CD99L2: variants seen among roughly 807,000 people sequenced by gnomAD.
CD99L2 encodes the protein CD99 molecule like 2, also known as CD99 antigen-like protein 2.
Under a neutral mutation model 27.3 loss-of-function variants are expected in CD99L2, and 24 were observed. That is an observed-to-expected ratio of 0.88 (90% CI 0.64 to 1.24). CD99L2 has a LOEUF of 1.24. CD99L2 is among the 50% of genes most tolerant of loss of function. The pLI is 0.00. For missense variants in CD99L2, 255 were observed against 221.6 expected (o/e 1.15, Z -0.96); for synonymous variants, 97 against 87.9 (o/e 1.10, Z -0.58).
At chrX:150,869,967 A>AT (rs2047130683) in intron 1 of CD99L2, among the ~76,000 whole-genome samples, 1 of 111,395 alleles carries the variant, frequency 9.0e-6, no homozygotes, top group South Asian at 3.8e-4. Context: ...ATTTGATTTC[A>AT]TAAGTATTAA....
chrX:150,857,638 C>T (rs2046913367), intron 1 of CD99L2, among the ~76,000 whole-genome samples: 1 of 111,587 alleles, frequency 9.0e-6, no homozygotes, highest in Non-Finnish European at 1.9e-5. Context: ...GAAAGGACAA[C>T]ATTTACAATC....
chrX:150,795,768 C>T (rs782177818), intron 4 of CD99L2, among the ~76,000 whole-genome samples: 2 of 111,641 alleles, frequency 1.8e-5, no homozygotes, highest in East Asian at 2.8e-4. Context: ...CCCAGATCTG[C>T]GGGAGATGAC....
intron 1 of CD99L2, among the ~76,000 whole-genome samples, chrX:150,833,180 C>G (rs1056740213): frequency 9.1e-6 from 1 of 110,371 alleles, no homozygotes; most frequent in Non-Finnish European, 1.9e-5. Context: ...AATGAACTGT[C>G]TGAAAAAAAG....
chrX:150,834,008 T>C (rs781790091), intron 1 of CD99L2, among the ~76,000 whole-genome samples: 3 of 111,764 alleles, frequency 2.7e-5, no homozygotes, highest in Non-Finnish European at 5.6e-5. Context: ...GAGAAAATAT[T>C]TGCAAACCAT....
rs782808489 is a variant in CD99L2, at chrX:150,867,152, G to GT, written c.67+31369dup. Among the ~76,000 whole-genome samples the GT allele has an allele frequency of 5.1e-3, 570 of 111,783 alleles. 7 individuals are homozygous for GT. The highest frequency in any genetic ancestry group is 0.014 in the Middle Eastern group (3 of 218). ...TGGCTGGAGGTGGTGGCTCACACCT[G>GT]TAATTCCAGCACTTTGGGAGGATGG... is the stretch of plus-strand genomic sequence containing the variant. On this transcript the variant is annotated intron_variant, in intron 1 of 10. Coordinates refer to ENST00000370377, the MANE Select transcript of CD99L2 (RefSeq NM_031462.4).
chrX:150,894,550 T>G (rs1557423001), intron 1 of CD99L2, among the ~76,000 whole-genome samples: 1 of 87,695 alleles, frequency 1.1e-5, no homozygotes, highest in East Asian at 3.7e-4. Context: ...CTCATCAAGT[T>G]TATTCTTTTA....
chrX:150,770,864 C>T (rs782759890), intron 9 of CD99L2, among the ~76,000 whole-genome samples: 101 of 112,801 alleles, frequency 9.0e-4, no homozygotes, highest in Admixed American at 2.1e-3. Context: ...CCAGCAACAC[C>T]CGCGCGGAGG....
chrX:150,841,335 A>G (rs1322358591), intron 1 of CD99L2, among the ~76,000 whole-genome samples: 4 of 112,597 alleles, frequency 3.6e-5, no homozygotes, highest in African/African-American at 1.3e-4. Flanking sequence ...ATCCATAAAC[A>G]TCTTCTGGAA....
intron 1 of CD99L2, among the ~76,000 whole-genome samples, chrX:150,841,131 C>G (rs2046617120): frequency 8.9e-6 from 1 of 112,017 alleles, no homozygotes; most frequent in Non-Finnish European, 1.9e-5. Flanking sequence ...GAAATGGAAA[C>G]AGTCCAAGTG....
chrX:150,825,918 A>G (rs2046360725), intron 2 of CD99L2, among the ~76,000 whole-genome samples: 1 of 111,858 alleles, frequency 8.9e-6, no homozygotes, highest in Non-Finnish European at 1.9e-5. Context: ...GTGGCTTAAT[A>G]ATGGTAACTG....
At chrX:150,791,226 T>C (rs1557419703) in intron 7 of CD99L2, among the ~76,000 whole-genome samples, 1 of 112,097 alleles carries the variant, frequency 8.9e-6, no homozygotes, top group African/African-American at 3.2e-5. Context: ...GTAAGACACA[T>C]GGGTTAGTAT....
intron 7 of CD99L2, among the ~76,000 whole-genome samples, chrX:150,787,512 T>C (rs1249958087): frequency 1.8e-5 from 2 of 110,769 alleles, no homozygotes; most frequent in African/African-American, 6.6e-5. Flanking sequence ...CCATCAATGA[T>C]AGACTGGATT....
At chrX:150,816,487 G>C (rs2046157557) in intron 2 of CD99L2, 1 of 155,597 alleles carries the variant, frequency 6.4e-6, no homozygotes, top group Non-Finnish European at 1.2e-5. Flanking sequence ...CTCAGGGATA[G>C]ACTGAGGTTA....
At chrX:150,771,010 T>C (rs1162205396) in intron 9 of CD99L2, among the ~76,000 whole-genome samples, 8 of 112,583 alleles carry the variant, frequency 7.1e-5, no homozygotes, top group African/African-American at 2.6e-4. Flanking sequence ...ATTCGGGGAC[T>C]GTACCAAGCA....
intron 4 of CD99L2, among the ~76,000 whole-genome samples, chrX:150,801,459 C>T (rs150096602): frequency 1.8e-5 from 2 of 111,128 alleles, no homozygotes; most frequent in Admixed American, 1.9e-4. Flanking sequence ...TAAAAATCAT[C>T]AGCTCTTGTG....
At chrX:150,769,712 GCA>G (rs1557418932) in intron 10 of CD99L2, among the ~76,000 whole-genome samples, 3 of 105,371 alleles carry the variant, frequency 2.8e-5, no homozygotes, top group Non-Finnish European at 5.6e-5. Flanking sequence ...CCCGACCCCA[GCA>G]AGCCTTTCCG....
At chrX:150,871,748 G>C (rs782189527) in intron 1 of CD99L2, among the ~76,000 whole-genome samples, 3 of 111,922 alleles carry the variant, frequency 2.7e-5, no homozygotes, top group Non-Finnish European at 5.6e-5. Context: ...TCCATCAATA[G>C]GAGAATAGAT....
intron 10 of CD99L2, among the ~76,000 whole-genome samples, chrX:150,769,583 CT>C (rs2043377651): frequency 8.9e-6 from 1 of 112,453 alleles, no homozygotes; most frequent in South Asian, 3.7e-4. Context: ...ACCACACAGG[CT>C]GAGCCCCTCC....
chrX:150,850,805 A>G (rs782282334), intron 1 of CD99L2, among the ~76,000 whole-genome samples: 2 of 111,319 alleles, frequency 1.8e-5, no homozygotes, highest in Non-Finnish European at 3.8e-5. Context: ...AGGACTGAAG[A>G]AACTCTCTAA....
Sources: gnomAD v4.1 joint callset for allele counts (sites outside exome capture counted in the v4.1 genomes callset) on GRCh38, gnomAD v4.1.1 for gene constraint, MANE v1.5 for transcripts, NCBI Gene and HGNC (gene_info 2026-07-23, HGNC 2026-07-21) for gene names.